The following PCDHGA9 variants were observed in gnomAD, a reference collection of about 807,000 sequenced individuals.
PCDHGA9 encodes protocadherin gamma-A9.
A neutral mutation model predicts 62.5 loss-of-function variants in PCDHGA9; 37 were observed. That is an observed-to-expected ratio of 0.59 (90% CI 0.46 to 0.78). The LOEUF is 0.78. PCDHGA9 is among the 30% of genes least tolerant of loss of function. The pLI, the probability that PCDHGA9 is intolerant of heterozygous loss-of-function variation, is 0.00. For missense variants in PCDHGA9, 1,138 were observed against 1,166.2 expected (o/e 0.98, Z 0.35); for synonymous variants, 459 against 484.6 (o/e 0.95, Z 0.69).
chr5:141,421,243 C>A (rs201273667), intron 1 of PCDHGA9: 1 of 1,601,658 alleles, frequency 6.2e-7, no homozygotes. Flanking sequence ...GAATCGGCTA[C>A]AGCGCGGGGA....
rs373728953 is a variant in PCDHGA9 at position 141,491,753 on chromosome 5, C to A, written c.2425-3054C>A. The A allele has an allele frequency of 6.3e-7, 1 of 1,585,146 alleles. No homozygotes were observed. The highest frequency in any genetic ancestry group is 8.6e-7 in the Non-Finnish European group (1 of 1,166,912). On this transcript the variant is annotated intron_variant, in intron 1 of 3. Transcript: ENST00000573521. This position sits in a 1 kb window ranked among gnomAD's most constrained non-coding sequence, Gnocchi z 6.9. The stretch of plus-strand genomic sequence containing the variant: ...ACCCCTGGGGGCGGCACTGGAGAAG[C>A]CGCCCGTCCTCATAAGGGATTGAAC...
In PCDHGA9 at chr5:141,432,091, C is replaced by A. The variant is rs370491149; in HGVS notation, c.2424+26715C>A. ...CTCATATCTCGCTGAACGTGGCAGA[C>A]ACCAACGACAACCCGCCGGTCTTCC... On this transcript the variant is annotated intron_variant, in intron 1 of 3. Coordinates refer to ENST00000573521, the MANE Select transcript of PCDHGA9 (RefSeq NM_018921.3). This position sits in a 1 kb window ranked among gnomAD's most constrained non-coding sequence, Gnocchi z 6.0. 6.2e-7 allele frequency: 1 copy of A among 1,614,056 alleles called. No individual in the cohort carries two copies. Among genetic ancestry groups the A allele is most frequent in the African/African-American group, 1.3e-5 (1 of 74,908 alleles).
At position 141,432,834 on chromosome 5, in the gene PCDHGA9, A is replaced by G; in HGVS notation, c.2424+27458A>G. 6.2e-7 allele frequency: 1 copy of G among 1,614,082 alleles called. No homozygotes were observed. The highest frequency in any genetic ancestry group is 8.5e-7 in the Non-Finnish European group (1 of 1,179,978). ...TCTGAAACCTCAGACCTCACTCTGTACCTGGTGGTAGCGGTGGCCGCGGTC... is the reference window on the plus strand; with the variant it reads ...TCTGAAACCTCAGACCTCACTCTGTGCCTGGTGGTAGCGGTGGCCGCGGTC... On this transcript the variant is annotated intron_variant, in intron 1 of 3. Transcript: ENST00000573521. This position sits in a 1 kb window ranked among gnomAD's most constrained non-coding sequence, Gnocchi z 6.0.
At chr5:141,445,767 T>C (rs2098476828) in intron 1 of PCDHGA9, among the ~76,000 whole-genome samples, 1 of 152,142 alleles carries the variant, frequency 6.6e-6, no homozygotes, top group African/African-American at 2.4e-5. Flanking sequence ...ACTCAAGCAA[T>C]TTAAAAGGGC....
At chr5:141,498,954 A>G (rs1180380627) in intron 2 of PCDHGA9, among the ~76,000 whole-genome samples, 2 of 134,538 alleles carry the variant, frequency 1.5e-5, no homozygotes, top group Non-Finnish European at 3.2e-5. Context: ...AGAAAAAGAG[A>G]GAGAGGGAGG....
At chr5:141,439,207 C>A (rs1003519997) in intron 1 of PCDHGA9, among the ~76,000 whole-genome samples, 1 of 149,828 alleles carries the variant, frequency 6.7e-6, no homozygotes, top group Non-Finnish European at 1.5e-5. Context: ...AAAAAAAAAT[C>A]CATATGTGAA....
chr5:141,440,401 C>T (rs1023628115), intron 1 of PCDHGA9: 4 of 152,088 alleles, frequency 2.6e-5, no homozygotes, highest in African/African-American at 7.3e-5. Context: ...GAGAGGCAAT[C>T]GCACCACTGC....
chr5:141,468,229 G>A (rs1363462610), intron 1 of PCDHGA9, among the ~76,000 whole-genome samples: 4 of 150,884 alleles, frequency 2.7e-5, no homozygotes, highest in Non-Finnish European at 5.9e-5. Flanking sequence ...GGAGGATGAG[G>A]TAGGAGAATT....
chr5:141,410,660 T>C (rs911543817), intron 1 of PCDHGA9: 12 of 1,572,396 alleles, frequency 7.6e-6, no homozygotes, highest in African/African-American at 2.7e-5. Context: ...TCTAATAGTC[T>C]ACTAGTTTCT....
chr5:141,419,698 G>A, intron 1 of PCDHGA9: 1 of 1,612,978 alleles, frequency 6.2e-7, no homozygotes, highest in Non-Finnish European at 8.5e-7. Context: ...AGGCCAGTGA[G>A]CCCGGGCTCT....
Position 141,491,930 on chromosome 5 carries a change from G to A in PCDHGA9, c.2425-2877G>A, listed in dbSNP as rs2099735399. On this transcript the variant is annotated intron_variant, in intron 1 of 3. Transcript: ENST00000573521. The surrounding 1 kb of genome is among the most constrained non-coding windows in gnomAD (Gnocchi z 6.9). ...GTGGCGACTGTGGGCGAGGGGAGGT[G>A]GGACCGACCCCCACCCCTACACTCA... 1.6e-6 allele frequency: 2 copies of A among 1,276,580 alleles called. No homozygotes were observed. The highest frequency in any genetic ancestry group is 2.1e-6 in the Non-Finnish European group (2 of 943,112). 79.1% of individuals were successfully genotyped at this position (1,276,580 alleles called of 1,614,324 possible).
chr5:141,458,273 G>C, intron 1 of PCDHGA9, among the ~76,000 whole-genome samples: 1 of 152,158 alleles, frequency 6.6e-6, no homozygotes, highest in Non-Finnish European at 1.5e-5. Context: ...AGGAACAACA[G>C]GGTTCCTGGT....
At chr5:141,502,953 C>G (rs145774277) in intron 2 of PCDHGA9, among the ~76,000 whole-genome samples, 1,594 of 147,762 alleles carry the variant, frequency 0.011, 24 homozygotes, top group African/African-American at 0.037. Context: ...AAGCGATTCT[C>G]CTGCCTCAGC....
At chr5:141,435,052 T>C (rs922871138) in intron 1 of PCDHGA9, among the ~76,000 whole-genome samples, 1 of 152,174 alleles carries the variant, frequency 6.6e-6, no homozygotes, top group African/African-American at 2.4e-5. Context: ...CCATTGACCA[T>C]GCAGCAGTTT....
At chr5:141,408,115 C>T (rs2095044760) in intron 1 of PCDHGA9, 1 of 1,461,312 alleles carries the variant, frequency 6.8e-7, no homozygotes, top group Non-Finnish European at 9.1e-7. Context: ...GGGACTCCTC[C>T]TGTCCTGGGC....
chr5:141,412,940 T>C, intron 1 of PCDHGA9: 1 of 463,218 alleles, frequency 2.2e-6, no homozygotes, highest in Non-Finnish European at 3.8e-6. Flanking sequence ...CTTAGGACTC[T>C]GAGCGCCGCT....
chr5:141,410,164 C>G (rs756470415), intron 1 of PCDHGA9: 8 of 1,613,642 alleles, frequency 5.0e-6, no homozygotes, highest in South Asian at 2.2e-5. Context: ...AGCCGCCACT[C>G]TCTGCCACCG....
chr5:141,472,557 A>G (rs2099288029), intron 1 of PCDHGA9, among the ~76,000 whole-genome samples: 3 of 152,044 alleles, frequency 2.0e-5, no homozygotes, highest in Admixed American at 1.3e-4. Flanking sequence ...AAAAAATTAT[A>G]TTATAAATGC....
In PCDHGA9 at chr5:141,512,264, C is replaced by G. The variant is rs1453959730; in HGVS notation, c.*1091C>G. 6.5e-6 allele frequency: 1 copy of G among 152,684 alleles called. No homozygotes were observed. The highest frequency in any genetic ancestry group is 1.5e-5 in the Non-Finnish European group (1 of 68,096). 9.5% of individuals were successfully genotyped at this position (152,684 alleles called of 1,614,324 possible). ...GGGGCCTCTGTGGGTGCTGGGTACTCCAGAGGTGCCACTGGTGGAAGGGTC... is the reference window on the plus strand; with the variant it reads ...GGGGCCTCTGTGGGTGCTGGGTACTGCAGAGGTGCCACTGGTGGAAGGGTC... On this transcript the variant is annotated 3_prime_UTR_variant, in exon 4 of 4. Transcript: ENST00000573521.
Sources: gnomAD v4.1 joint callset for allele counts (sites outside exome capture counted in the v4.1 genomes callset) on GRCh38, gnomAD v4.1.1 for gene constraint, Gnocchi (gnomAD v3.1) non-coding constraint, MANE v1.5 for transcripts, NCBI Gene and HGNC (gene_info 2026-07-23, HGNC 2026-07-21) for gene names.